GRM5: variants seen among roughly 807,000 people sequenced by gnomAD.
The protein encoded by GRM5 is glutamate metabotropic receptor 5, also known as metabotropic glutamate receptor 5.
GRM5 carries 19 observed loss-of-function variants against 83.1 expected under a neutral mutation model. The observed-to-expected ratio is 0.23, with a 90% confidence interval of 0.16 to 0.34. The LOEUF (loss-of-function observed/expected upper bound fraction) is 0.34, where lower values mean the gene tolerates loss of function less well. Among genes scored for constraint, GRM5 ranks in the 10% least tolerant of loss-of-function variants. The pLI is 1.00. For missense variants in GRM5, 1,160 were observed against 1,588.3 expected, an observed-to-expected ratio of 0.73 and a Z score of 4.58; for synonymous variants, 675 against 633.6, an observed-to-expected ratio of 1.07 and a Z score of -0.98.
At chr11:88,866,489 T>C (rs1471514039) in intron 2 of GRM5, among the ~76,000 whole-genome samples, 1 of 151,880 alleles carries the variant, frequency 6.6e-6, no homozygotes, top group African/African-American at 2.4e-5. Context: ...TACCATGGCA[T>C]GTGTATACCT....
At chr11:88,648,736 T>TGTA (rs1939538793) in intron 4 of GRM5, among the ~76,000 whole-genome samples, 1 of 151,880 alleles carries the variant, frequency 6.6e-6, no homozygotes, top group Non-Finnish European at 1.5e-5. Context: ...ACTTGAGGAA[T>TGTA]GTAGACTCCT....
chr11:88,987,764 C>T (rs1320930098), intron 2 of GRM5, among the ~76,000 whole-genome samples: 9 of 151,628 alleles, frequency 5.9e-5, no homozygotes, highest in Non-Finnish European at 7.4e-5. Context: ...ACACCTCACA[C>T]GGCAGGGTAC....
rs1345468663 is a variant in GRM5 at position 88,934,780 on chromosome 11, A to G, written c.662-84625T>C. Among the ~76,000 whole-genome samples, 3 of 151,892 alleles carry G rather than the reference A, an allele frequency of 2.0e-5. No homozygotes were observed. The Admixed American group carries it at 2.0e-4, about 10-fold the overall frequency. ...AATGCAATGGTTTTATATTTTAAAT[A>G]TTATTATAATAAAAATGCATAAGTT... On this transcript the variant is annotated intron_variant, in intron 2 of 9. Coordinates refer to ENST00000305447, the MANE Select transcript of GRM5 (RefSeq NM_001143831.3).
chr11:88,528,269 A>G (rs775979918), intron 8 of GRM5, among the ~76,000 whole-genome samples: 4 of 152,138 alleles, frequency 2.6e-5, no homozygotes, highest in African/African-American at 7.2e-5. Flanking sequence ...TTTGTATTCA[A>G]TGCAAGCTGA....
At chr11:88,629,477 C>A (rs1337801852) in intron 4 of GRM5, among the ~76,000 whole-genome samples, 2 of 152,126 alleles carry the variant, frequency 1.3e-5, no homozygotes, top group African/African-American at 4.8e-5. Flanking sequence ...TTCTGAGACC[C>A]CCTCCAGAGG....
chr11:88,717,220 T>A (rs1177641091), intron 3 of GRM5, among the ~76,000 whole-genome samples: 1 of 151,942 alleles, frequency 6.6e-6, no homozygotes, highest in Admixed American at 6.6e-5. Flanking sequence ...GAGAATTACA[T>A]GCTTTAAAAA....
chr11:88,943,296 A>G (rs942932517), intron 2 of GRM5, among the ~76,000 whole-genome samples: 4 of 152,034 alleles, frequency 2.6e-5, no homozygotes, highest in African/African-American at 9.7e-5. Flanking sequence ...ATTTCTCCAG[A>G]CATCTAGAAA....
intron 1 of GRM5, among the ~76,000 whole-genome samples, chr11:89,057,987 A>G (rs1941912459): frequency 1.3e-5 from 2 of 152,166 alleles, no homozygotes; most frequent in Admixed American, 6.6e-5. Context: ...TCTCCAAAGT[A>G]TCAAACCTAC....
At chr11:88,766,062 G>A (rs189929478) in intron 3 of GRM5, among the ~76,000 whole-genome samples, 133 of 151,614 alleles carry the variant, frequency 8.8e-4, no homozygotes, top group Non-Finnish European at 1.6e-3. Flanking sequence ...GTATCTGAAT[G>A]GTCCATACAC....
intron 4 of GRM5, among the ~76,000 whole-genome samples, chr11:88,606,637 A>T (rs1938150006): frequency 6.6e-6 from 1 of 152,232 alleles, no homozygotes; most frequent in African/African-American, 2.4e-5. Flanking sequence ...TTTAGAAAAG[A>T]CCAATCTGGC....
In GRM5 at chr11:88,785,612, G is replaced by A. The variant is rs532870410; in HGVS notation, c.911+64294C>T. ...TGATAGAAGATGATGTATTATCCTC[G>A]GAGACACAACATCATGCAGTCAAAG... On this transcript the variant is annotated intron_variant, in intron 3 of 9. Transcript: ENST00000305447. 5.3e-5 allele frequency among the ~76,000 whole-genome samples: 8 copies of A among 152,004 alleles called. No individual in the cohort carries two copies. In the East Asian group the frequency reaches 1.4e-3, roughly 26 times the overall value.
At chr11:89,038,895 C>T (rs114542114) in intron 2 of GRM5, among the ~76,000 whole-genome samples, 1 of 152,158 alleles carries the variant, frequency 6.6e-6, no homozygotes, top group African/African-American at 2.4e-5. Flanking sequence ...AAAAATCACT[C>T]TTTACTTGTC....
intron 3 of GRM5, among the ~76,000 whole-genome samples, chr11:88,759,842 C>A (rs7946882): frequency 0.64 from 97,350 of 152,002 alleles, 31,957 homozygotes; most frequent in Non-Finnish European, 0.73. Context: ...CACCCCTCAG[C>A]AAATGCAAAA....
At chr11:88,651,924 C>A (rs1046936569) in intron 4 of GRM5, among the ~76,000 whole-genome samples, 3 of 152,002 alleles carry the variant, frequency 2.0e-5, no homozygotes, top group Non-Finnish European at 4.4e-5. Context: ...ACCAGAAACA[C>A]AGGATGAACA....
At chr11:88,985,012 C>A (rs1349987510) in intron 2 of GRM5, 2 of 496,176 alleles carry the variant, frequency 4.0e-6, no homozygotes, top group Admixed American at 3.9e-5. Flanking sequence ...CTCCATTCCA[C>A]TTAATCATTT....
chr11:88,976,239 T>C (rs1458912923), intron 2 of GRM5, among the ~76,000 whole-genome samples: 2 of 152,160 alleles, frequency 1.3e-5, no homozygotes. Flanking sequence ...TTAAATATAA[T>C]GAATATTTAA....
chr11:88,994,485 A>ATG (rs1491507869), intron 2 of GRM5, among the ~76,000 whole-genome samples: 33 of 123,492 alleles, frequency 2.7e-4, no homozygotes, highest in African/African-American at 1.0e-3. Flanking sequence ...ATATATATAT[A>ATG]TTACAATTGC....
At chr11:88,837,718 C>A (rs1018070577) in intron 3 of GRM5, among the ~76,000 whole-genome samples, 7 of 152,138 alleles carry the variant, frequency 4.6e-5, no homozygotes, top group Admixed American at 3.9e-4. Flanking sequence ...GTCAGACCTA[C>A]AGCACCTCCC....
chr11:88,656,655 G>A (rs1255577007), intron 3 of GRM5, among the ~76,000 whole-genome samples: 2 of 152,064 alleles, frequency 1.3e-5, no homozygotes, highest in East Asian at 3.9e-4. Context: ...TAAAGCTGAT[G>A]TGTTATCTAG....
Sources: gnomAD v4.1 joint callset for allele counts (sites outside exome capture counted in the v4.1 genomes callset) on GRCh38, gnomAD v4.1.1 for gene constraint, MANE v1.5 for transcripts, NCBI Gene and HGNC (gene_info 2026-07-23, HGNC 2026-07-21) for gene names.